The following COL21A1 variants were observed in gnomAD, a reference collection of about 807,000 sequenced individuals.
COL21A1 encodes the protein collagen alpha-1(XXI) chain.
Under a neutral mutation model 137.9 loss-of-function variants are expected in COL21A1, and 149 were observed. The ratio of observed to expected loss-of-function variants is 1.08; its 90% CI spans 0.95 to 1.24. The LOEUF is 1.24. Among genes scored for constraint, COL21A1 ranks in the 50% most tolerant of loss-of-function variants. The pLI, the probability that COL21A1 is intolerant of heterozygous loss-of-function variation, is 0.00. For synonymous variants in COL21A1, 456 were observed against 391.5 expected (o/e 1.16, Z -1.95); for missense variants, 1,167 against 1,158.4 (o/e 1.01, Z -0.11).
At chr6:56,212,262 A>G (rs1023157147) in intron 1 of COL21A1, among the ~76,000 whole-genome samples, 2 of 151,940 alleles carry the variant, frequency 1.3e-5, no homozygotes, top group South Asian at 4.2e-4. Context: ...TCTACTTTGA[A>G]TTATCCTGGT....
chr6:56,241,021 T>C (rs1422710754), intron 1 of COL21A1, among the ~76,000 whole-genome samples: 1 of 152,120 alleles, frequency 6.6e-6, no homozygotes, highest in Non-Finnish European at 1.5e-5. Context: ...CCCTGCTCCC[T>C]CCCCATTCCA....
rs7774374 is a variant in COL21A1, at chr6:56,181,822, G to A, written c.88+709C>T. The stretch of plus-strand genomic sequence containing the variant: ...AAGCCCCTTAACTTATTAAAATCCC[G>A]TTTTCCACCCAAGAAAAAAACAAAG... On this transcript the variant is annotated intron_variant, in intron 2 of 29. Coordinates refer to ENST00000244728, the MANE Select transcript of COL21A1 (RefSeq NM_030820.4). Among the ~76,000 whole-genome samples the A allele has an allele frequency of 9.2e-5, 14 of 152,046 alleles. No homozygotes were observed. The South Asian group carries it at 2.7e-3, about 29-fold the overall frequency.
intron 1 of COL21A1, among the ~76,000 whole-genome samples, chr6:56,219,216 C>CAAAAAAA (rs386407160): frequency 2.6e-5 from 2 of 76,492 alleles, no homozygotes; most frequent in Non-Finnish European, 2.3e-5. Context: ...AAACTTGCAC[C>CAAAAAAA]AAAAAAAAAA....
At chr6:56,288,822 A>G (rs1763973050) in intron 1 of COL21A1, among the ~76,000 whole-genome samples, 1 of 152,212 alleles carries the variant, frequency 6.6e-6, no homozygotes, top group African/African-American at 2.4e-5. Flanking sequence ...ATAGCAGTAC[A>G]GTGATGAAAG....
In COL21A1 at chr6:56,060,777, G is replaced by T. The variant is rs776658592; in HGVS notation, c.2371C>A (p.Gln791Lys). 2 of 1,610,020 alleles carry T rather than the reference G, an allele frequency of 1.2e-6. No homozygotes were observed. The highest frequency in any genetic ancestry group is 1.7e-5 in the Admixed American group (1 of 58,902). Residue 791 changes from glutamine to lysine, a missense_variant, in exon 27 of 30, where the codon CAA (glutamine) becomes AAA (lysine). Gln to Lys is a moderately conservative substitution (Grantham distance 53, BLOSUM62 1). Transcript: ENST00000244728. ...DGKPGREFSE[Q>K]FIRQVCTDVI... The stretch of plus-strand genomic sequence containing the variant: ...TCTGTGCAAACTTGTCGAATAAATT[G>T]TTCTGAAAACTCTCTTCCCTGCATC...
chr6:56,106,370 A>G (rs564471491), intron 16 of COL21A1, among the ~76,000 whole-genome samples: 2 of 152,276 alleles, frequency 1.3e-5, no homozygotes, highest in South Asian at 4.1e-4. Context: ...CCTTCTCTAA[A>G]TAAGATGGAG....
intron 1 of COL21A1, among the ~76,000 whole-genome samples, chr6:56,260,997 G>A (rs1398374298): frequency 6.6e-6 from 1 of 151,850 alleles, no homozygotes; most frequent in Admixed American, 6.6e-5. Flanking sequence ...ATATTTATTT[G>A]AAAGACAAGT....
intron 1 of COL21A1, among the ~76,000 whole-genome samples, chr6:56,368,426 G>A (rs989377447): frequency 6.6e-6 from 1 of 152,170 alleles, no homozygotes; most frequent in Non-Finnish European, 1.5e-5. Flanking sequence ...ATTTTAGGTG[G>A]ATGATTACAC....
At chr6:56,059,111 C>A (rs947568002) in intron 29 of COL21A1, 54 bp downstream of exon 29, 47 of 1,392,656 alleles carry the variant, frequency 3.4e-5, no homozygotes, top group Non-Finnish European at 3.8e-5. Flanking sequence ...TCTATGATGA[C>A]TTTTCTTAAA....
intron 16 of COL21A1, among the ~76,000 whole-genome samples, chr6:56,110,848 C>A (rs1052845805): frequency 2.0e-5 from 3 of 151,800 alleles, no homozygotes; most frequent in Non-Finnish European, 4.4e-5. Context: ...AACAATATAC[C>A]ATGTTCATGG....
chr6:56,290,576 T>C (rs868144125), intron 1 of COL21A1, among the ~76,000 whole-genome samples: 3 of 147,252 alleles, frequency 2.0e-5, no homozygotes, highest in Non-Finnish European at 4.4e-5. Flanking sequence ...CTCGGCTCAC[T>C]GCAACCTCCG....
intron 1 of COL21A1, among the ~76,000 whole-genome samples, chr6:56,246,923 G>A (rs1782681921): frequency 6.6e-6 from 1 of 152,276 alleles, no homozygotes; most frequent in African/African-American, 2.4e-5. Flanking sequence ...CTCAAGCATC[G>A]ATTTTTTTAA....
rs185988049 is a variant in COL21A1, at chr6:56,163,939, G to A, written c.1371+484C>T. ...ATTCTCCCCAAAAGTACATGATTAAGTGAAATAAATGTATGTGGCTCTATT... is the reference window on the plus strand; with the variant it reads ...ATTCTCCCCAAAAGTACATGATTAAATGAAATAAATGTATGTGGCTCTATT... On this transcript the variant is annotated intron_variant, in intron 9 of 29. Coordinates refer to ENST00000244728, the MANE Select transcript of COL21A1 (RefSeq NM_030820.4). Among the ~76,000 whole-genome samples the A allele has an allele frequency of 3.9e-5, 6 of 152,226 alleles. No individual in the cohort carries two copies. The East Asian group carries it at 9.6e-4, about 24-fold the overall frequency.
intron 21 of COL21A1, 34 bp downstream of exon 21, chr6:56,070,711 T>C: frequency 6.9e-7 from 1 of 1,441,486 alleles, no homozygotes; most frequent in Non-Finnish European, 9.5e-7. Context: ...CATTATAATT[T>C]CTTTGAAAAT....
At chr6:56,381,299 AG>A (rs1487847725) in intron 1 of COL21A1, among the ~76,000 whole-genome samples, 1 of 152,160 alleles carries the variant, frequency 6.6e-6, no homozygotes, top group Non-Finnish European at 1.5e-5. Context: ...TTAGTTAGAA[AG>A]GGGAAAAAAT....
intron 18 of COL21A1, 81 bp from the exon 19 acceptor site, chr6:56,075,613 G>GA: frequency 1.0e-6 from 1 of 997,102 alleles, no homozygotes; most frequent in Non-Finnish European, 1.5e-6. Context: ...AAGCACAATG[G>GA]AATGACAATT....
chr6:56,325,658 ATATTAAATATATTAT>A (rs1463869671), intron 1 of COL21A1, among the ~76,000 whole-genome samples: 31 of 806 alleles, frequency 0.038, 5 homozygotes, highest in Non-Finnish European at 0.36. Context: ...AATATATTAT[ATATTAAATATATTAT>A]ATATAATAGA....
chr6:56,187,673 A>C (rs2152287268), intron 1 of COL21A1, among the ~76,000 whole-genome samples: 1 of 152,350 alleles, frequency 6.6e-6, no homozygotes, highest in Non-Finnish European at 1.5e-5. Context: ...ATTTCACATA[A>C]GAAAATTAAA....
intron 1 of COL21A1, among the ~76,000 whole-genome samples, chr6:56,339,813 C>A (rs1232498578): frequency 6.6e-6 from 1 of 152,132 alleles, no homozygotes; most frequent in Non-Finnish European, 1.5e-5. Context: ...GTATACCTTC[C>A]ACATCTGGTT....
Sources: gnomAD v4.1 joint callset for allele counts (sites outside exome capture counted in the v4.1 genomes callset) on GRCh38, gnomAD v4.1.1 for gene constraint, MANE v1.5 for transcripts, NCBI Gene and HGNC (gene_info 2026-07-23, HGNC 2026-07-21) for gene names.